UACA: variants seen among roughly 807,000 people sequenced by gnomAD.
UACA encodes the protein uveal autoantigen with coiled-coil domains and ankyrin repeats.
In UACA, 112 loss-of-function variants were observed where a neutral mutation model predicts 160.5. The observed-to-expected ratio is 0.70, with a 90% CI of 0.60 to 0.82. The LOEUF is 0.82. UACA is among the 40% of genes least tolerant of loss of function. The pLI is 0.00. For synonymous variants in UACA, 557 were observed against 568.4 expected (o/e 0.98, Z 0.29); for missense variants, 1,574 against 1,614.6 (o/e 0.97, Z 0.43).
chr15:70,693,284 G>C (rs1465820440), intron 3 of UACA, among the ~76,000 whole-genome samples: 1 of 152,070 alleles, frequency 6.6e-6, no homozygotes, highest in Non-Finnish European at 1.5e-5. Flanking sequence ...AAAAACCAAG[G>C]AAACACCAGA....
intron 7 of UACA, among the ~76,000 whole-genome samples, chr15:70,685,728 T>C (rs976721052): frequency 1.3e-5 from 2 of 152,108 alleles, no homozygotes; most frequent in African/African-American, 2.4e-5. Flanking sequence ...ATAAAAAATA[T>C]AAAGCACTGT....
the UACA span, chr15:70,778,865 A>G: frequency 2.0e-5 from 3 of 152,234 alleles, no homozygotes; most frequent in Non-Finnish European, 4.4e-5. Context: ...TCTGTATGAG[A>G]GCAGAAACTG....
chr15:70,688,867 A>G (rs1264308890), intron 5 of UACA, among the ~76,000 whole-genome samples: 3 of 152,138 alleles, frequency 2.0e-5, no homozygotes, highest in Non-Finnish European at 4.4e-5. Context: ...CTTTGGAGAT[A>G]TTTGGAAGGC....
At chr15:70,726,417 A>T (rs1313771173) in intron 1 of UACA, among the ~76,000 whole-genome samples, 1 of 152,230 alleles carries the variant, frequency 6.6e-6, no homozygotes, top group Non-Finnish European at 1.5e-5. Context: ...TGATTTTCTC[A>T]TTAGCTTAGA....
At chr15:70,678,281 C>G in intron 10 of UACA, 75 bp from the exon 11 acceptor site, 2 of 928,016 alleles carry the variant, frequency 2.2e-6, no homozygotes, top group Non-Finnish European at 1.7e-6. Flanking sequence ...TTTTTAAAAG[C>G]AGTTCACTAC....
chr15:70,659,391 G>GTTTTTTTTTTTTTTTTTTTT (rs1375150038), intron 18 of UACA, among the ~76,000 whole-genome samples: 1 of 9,958 alleles, frequency 1.0e-4, no homozygotes, highest in African/African-American at 1.6e-4. Context: ...TTCATTTTTT[G>GTTTTTTTTTTTTTTTTTTTT]TTTGTTTTTT....
intron 2 of UACA, among the ~76,000 whole-genome samples, chr15:70,697,364 G>A (rs966126572): frequency 2.0e-5 from 3 of 152,214 alleles, no homozygotes; most frequent in Non-Finnish European, 4.4e-5. Context: ...AGGAAATGGG[G>A]AGACACAAAC....
chr15:70,763,607 G>C (rs932821666), upstream of UACA: 27 of 1,142,348 alleles, frequency 2.4e-5, 1 homozygote, highest in Non-Finnish European at 4.4e-6. Flanking sequence ...CCGCTGCCCT[G>C]GCGGGGGCGT....
chr15:70,720,647 T>C (rs1200147218), intron 1 of UACA, among the ~76,000 whole-genome samples: 2 of 152,244 alleles, frequency 1.3e-5, no homozygotes, highest in Non-Finnish European at 2.9e-5. Context: ...ACTAATGTTA[T>C]TGAAGGAAAT....
chr15:70,736,994 C>T (rs1034839143), intron 1 of UACA, among the ~76,000 whole-genome samples: 1 of 152,128 alleles, frequency 6.6e-6, no homozygotes, highest in Non-Finnish European at 1.5e-5. Flanking sequence ...TCAGGACACT[C>T]TTTGGTTATA....
chr15:70,671,350 C>T (rs1897133983), intron 14 of UACA: 1 of 263,646 alleles, frequency 3.8e-6, no homozygotes, highest in Admixed American at 5.0e-5. Flanking sequence ...AGCAGAATCA[C>T]TAAAACTTCA....
intron 1 of UACA, among the ~76,000 whole-genome samples, chr15:70,736,277 CGAGT>C (rs1411967041): frequency 6.6e-6 from 1 of 152,014 alleles, no homozygotes; most frequent in Non-Finnish European, 1.5e-5. Context: ...GAATTTGGCA[CGAGT>C]AAGTAGTTTC....
At chr15:70,720,135 C>T (rs974044775) in intron 1 of UACA, among the ~76,000 whole-genome samples, 9 of 152,142 alleles carry the variant, frequency 5.9e-5, no homozygotes, top group Non-Finnish European at 1.3e-4. Context: ...CTTCCTCCTG[C>T]TCCAGCCATG....
At chr15:70,699,285 CTG>C (rs1408200686) in intron 2 of UACA, among the ~76,000 whole-genome samples, 1 of 152,124 alleles carries the variant, frequency 6.6e-6, no homozygotes, top group Non-Finnish European at 1.5e-5. Flanking sequence ...TAACCACAGG[CTG>C]TGGTTTGCCA....
At chr15:70,714,835 T>TA (rs1898780088) in intron 1 of UACA, among the ~76,000 whole-genome samples, 1 of 152,216 alleles carries the variant, frequency 6.6e-6, no homozygotes, top group South Asian at 2.1e-4. Flanking sequence ...TCTGGGCACT[T>TA]AAAACAGTTT....
intron 1 of UACA, among the ~76,000 whole-genome samples, chr15:70,719,496 A>G (rs942300787): frequency 1.3e-5 from 2 of 152,206 alleles, no homozygotes; most frequent in Non-Finnish European, 2.9e-5. Context: ...TAAAATGCAC[A>G]TCTCAACGAG....
chr15:70,703,375 A>C (rs765213902), intron 1 of UACA: 1 of 878,296 alleles, frequency 1.1e-6, no homozygotes, highest in Non-Finnish European at 1.5e-6. Flanking sequence ...ATGTACTTCC[A>C]CAAGAAATCT....
At chr15:70,689,483 C>A (rs1167338623) in intron 5 of UACA, among the ~76,000 whole-genome samples, 2 of 151,434 alleles carry the variant, frequency 1.3e-5, no homozygotes, top group Admixed American at 6.6e-5. Flanking sequence ...ACAGTAATAC[C>A]CTTCTATATT....
At chr15:70,738,724 A>G (rs1899441502) in intron 1 of UACA, among the ~76,000 whole-genome samples, 5 of 152,220 alleles carry the variant, frequency 3.3e-5, no homozygotes, top group Admixed American at 3.3e-4. Context: ...AAGCAGAAAC[A>G]TTCATCCAAA....
Sources: allele counts gnomAD v4.1 joint callset (sites outside exome capture counted in the v4.1 genomes callset), GRCh38; gene constraint gnomAD v4.1.1; transcripts MANE v1.5; gene names NCBI Gene and HGNC (gene_info 2026-07-23, HGNC 2026-07-21).